The following PRR16 variants were observed in gnomAD, a reference collection of about 807,000 sequenced individuals.
PRR16 encodes the protein protein Largen.
In PRR16, 6 loss-of-function variants were observed where a neutral mutation model predicts 18.2. The ratio of observed to expected loss-of-function variants is 0.33; its 90% confidence interval spans 0.18 to 0.65. The LOEUF is 0.65. Among genes scored for constraint, PRR16 ranks in the 30% least tolerant of loss-of-function variants. PRR16 has a pLI of 0.74. For missense variants in PRR16, 412 were observed against 376.6 expected (o/e 1.09, Z -0.78); for synonymous variants, 151 against 147.8 (o/e 1.02, Z -0.16).
chr5:120,504,544 G>A (rs1229115131), intron 1 of PRR16, among the ~76,000 whole-genome samples: 1 of 152,182 alleles, frequency 6.6e-6, no homozygotes, highest in Non-Finnish European at 1.5e-5. Context: ...TTGAGAAGTA[G>A]TTCCAATTTA....
rs369727931 is a variant in PRR16 at position 120,683,877 on chromosome 5, A to G, written c.160-2077A>G. 1.2e-4 allele frequency among the ~76,000 whole-genome samples: 18 copies of G among 152,010 alleles called. No homozygotes were observed. In the East Asian group the frequency reaches 3.5e-3, roughly 29 times the overall value. ...TATCACAGGAGAAATGAGCAGACATAGAAAGGATTTAAACAGGGAGTTAAC... is the reference window on the plus strand; with the variant it reads ...TATCACAGGAGAAATGAGCAGACATGGAAAGGATTTAAACAGGGAGTTAAC... On this transcript the variant is annotated intron_variant, in intron 1 of 1. Transcript: ENST00000407149.
At chr5:120,733,829 C>A in the PRR16 span, among the ~76,000 whole-genome samples, 133 of 151,812 alleles carry the variant, frequency 8.8e-4, 1 homozygote, top group South Asian at 0.012. Flanking sequence ...ACAATGTATC[C>A]CTTGGTTTGA....
intron 1 of PRR16, among the ~76,000 whole-genome samples, chr5:120,561,038 G>T (rs902806660): frequency 2.0e-5 from 3 of 151,840 alleles, no homozygotes; most frequent in Non-Finnish European, 2.9e-5. Flanking sequence ...CTGGCTAAAG[G>T]TTTGTAAATT....
chr5:120,730,594 C>T, the PRR16 span, among the ~76,000 whole-genome samples: 6 of 152,066 alleles, frequency 3.9e-5, no homozygotes, highest in Admixed American at 2.6e-4. Context: ...GACCAAATTG[C>T]TGGATAAGGA....
chr5:120,591,508 G>A (rs1753635931), intron 1 of PRR16, among the ~76,000 whole-genome samples: 1 of 151,708 alleles, frequency 6.6e-6, no homozygotes. Context: ...ATTTCATGGT[G>A]TCCTTAGAAC....
chr5:120,784,987 G>T, the PRR16 span, among the ~76,000 whole-genome samples: 1 of 152,122 alleles, frequency 6.6e-6, no homozygotes, highest in Admixed American at 6.6e-5. Flanking sequence ...CTGACCACCC[G>T]CTGCTATTAG....
chr5:120,743,685 C>G, the PRR16 span, among the ~76,000 whole-genome samples: 1 of 152,002 alleles, frequency 6.6e-6, no homozygotes. Context: ...TTACTTTTTG[C>G]TGTATTTTAG....
the PRR16 span, among the ~76,000 whole-genome samples, chr5:120,758,893 T>C: frequency 6.6e-6 from 1 of 152,266 alleles, no homozygotes; most frequent in Non-Finnish European, 1.5e-5. Context: ...TTTGAGCATA[T>C]TTCCTTTTGA....
chr5:120,498,991 A>G (rs1288781677), intron 1 of PRR16, among the ~76,000 whole-genome samples: 1 of 150,692 alleles, frequency 6.6e-6, no homozygotes. Context: ...ATTATGAGGT[A>G]TCTTAGTTTG....
At chr5:120,516,916 G>T (rs1053941891) in intron 1 of PRR16, among the ~76,000 whole-genome samples, 8 of 151,724 alleles carry the variant, frequency 5.3e-5, no homozygotes, top group African/African-American at 2.4e-5. Context: ...TGTCAGGCAG[G>T]GCCACTGAGT....
At chr5:120,611,377 G>A (rs1306426533) in intron 1 of PRR16, among the ~76,000 whole-genome samples, 4 of 152,074 alleles carry the variant, frequency 2.6e-5, no homozygotes, top group Non-Finnish European at 5.9e-5. Context: ...TGGGGAAAAC[G>A]TCTCCAGGCT....
At chr5:120,605,928 C>T (rs1417986265) in intron 1 of PRR16, among the ~76,000 whole-genome samples, 1 of 152,096 alleles carries the variant, frequency 6.6e-6, no homozygotes, top group African/African-American at 2.4e-5. Context: ...AACAACACTC[C>T]AATGGGGCTG....
chr5:120,778,292 CA>C, the PRR16 span, among the ~76,000 whole-genome samples: 1 of 152,030 alleles, frequency 6.6e-6, no homozygotes, highest in Non-Finnish European at 1.5e-5. Flanking sequence ...TCAAGTAAAA[CA>C]GAACCATTTT....
intron 1 of PRR16, among the ~76,000 whole-genome samples, chr5:120,563,030 G>T (rs989807211): frequency 4.6e-5 from 7 of 152,054 alleles, no homozygotes; most frequent in Non-Finnish European, 4.4e-5. Flanking sequence ...TTAGATTGAA[G>T]AATTCCCTTT....
At chr5:120,510,160 C>T (rs977489347) in intron 1 of PRR16, among the ~76,000 whole-genome samples, 5 of 152,160 alleles carry the variant, frequency 3.3e-5, no homozygotes, top group African/African-American at 4.8e-5. Flanking sequence ...TTGTCATTAA[C>T]TTACTCTGAC....
At chr5:120,577,329 T>C (rs1328671465) in intron 1 of PRR16, among the ~76,000 whole-genome samples, 1 of 151,944 alleles carries the variant, frequency 6.6e-6, no homozygotes, top group Non-Finnish European at 1.5e-5. Flanking sequence ...TGTTGTAAAT[T>C]CAGAAAAATG....
chr5:120,578,101 C>G (rs1381628222), intron 1 of PRR16, among the ~76,000 whole-genome samples: 1 of 151,992 alleles, frequency 6.6e-6, no homozygotes, highest in African/African-American at 2.4e-5. Flanking sequence ...AGAAAAGAAA[C>G]AGATCAGTTA....
intron 1 of PRR16, among the ~76,000 whole-genome samples, chr5:120,678,648 C>G (rs956350318): frequency 2.6e-5 from 4 of 152,146 alleles, no homozygotes; most frequent in African/African-American, 9.7e-5. Context: ...TATCTTGCTA[C>G]TTTGCTGAAT....
chr5:120,743,740 G>A, the PRR16 span, among the ~76,000 whole-genome samples: 38 of 152,134 alleles, frequency 2.5e-4, 1 homozygote, highest in East Asian at 6.0e-3. Context: ...CTTATTAATT[G>A]AATTTGCTCT....
Sources: allele counts gnomAD v4.1 joint callset (sites outside exome capture counted in the v4.1 genomes callset), GRCh38; gene constraint gnomAD v4.1.1; transcripts MANE v1.5; gene names NCBI Gene and HGNC (gene_info 2026-07-23, HGNC 2026-07-21).